The following NABP1 variants were observed in gnomAD, a reference collection of about 807,000 sequenced individuals.
NABP1 encodes SOSS complex subunit B2.
Under a neutral mutation model 25.0 loss-of-function variants are expected in NABP1, and 18 were observed. The ratio of observed to expected loss-of-function variants is 0.72; its 90% CI spans 0.50 to 1.07. The LOEUF (loss-of-function observed/expected upper bound fraction) is 1.07, where lower values mean the gene tolerates loss of function less well. Among genes scored for constraint, NABP1 ranks in the 50% least tolerant of loss-of-function variants. NABP1 has a pLI of 0.00. For synonymous variants in NABP1, 71 were observed against 85.0 expected (o/e 0.84, Z 0.91); for missense variants, 270 against 255.6 (o/e 1.06, Z -0.39).
Position 191,678,733 on chromosome 2 carries a change from C to T in NABP1, c.91+28C>T, listed in dbSNP as rs373998407. The T allele has an allele frequency of 7.4e-5, 118 of 1,584,880 alleles. No homozygotes were observed. In the African/African-American group the frequency reaches 1.2e-3, roughly 17 times the overall value. ...AAGTGGGGTTTGCAGCCTACTCCAC[C>T]GCCCGCTGTGCCTCCCGGGGCGGGA... is the stretch of plus-strand genomic sequence containing the variant. On this transcript the variant is annotated intron_variant, in intron 1 of 5. Transcript: ENST00000425611.
Position 191,678,622 on chromosome 2 carries a change from G to C in NABP1, c.8G>C (p.Arg3Thr). The C allele has an allele frequency of 6.2e-7, 1 of 1,612,152 alleles. No individual in the cohort carries two copies. The highest frequency in any genetic ancestry group is 1.3e-5 in the African/African-American group (1 of 74,932). Reference protein sequence around the residue: MNRVNDPLIFIRD... With the variant: MNTVNDPLIFIRD... The stretch of plus-strand genomic sequence containing the variant: ...AGCCGCGCCTGTCCCAATATGAATA[G>C]GGTCAACGACCCACTTATTTTTATA... Residue 3 changes from arginine (R) to threonine (T), a missense_variant, in exon 1 of 6, where the codon AGG (arginine) becomes ACG (threonine). Transcript: ENST00000425611.
chr2:191,679,811 T>C (rs1687627178), intron 2 of NABP1, among the ~76,000 whole-genome samples: 1 of 152,236 alleles, frequency 6.6e-6, no homozygotes, highest in African/African-American at 2.4e-5. Context: ...CCATTTTTAA[T>C]GACTTGAAAT....
Position 191,683,848 on chromosome 2 carries a change from T to A in NABP1, c.378+44T>A. ...TTTATGATTAGGCTAATTTTGACTG[T>A]GTTATAATTCTATGATTAGGCTAGC... On this transcript the variant is annotated intron_variant, in intron 4 of 5. Transcript: ENST00000425611. This position sits in a 1 kb window ranked among gnomAD's most constrained non-coding sequence, Gnocchi z 4.1. 1 of 1,428,214 alleles carries A rather than the reference T, an allele frequency of 7.0e-7. No homozygotes were observed. Among genetic ancestry groups the A allele is most frequent in the Non-Finnish European group, 9.7e-7 (1 of 1,027,362 alleles). The allele number at this position is 1,428,214 out of a possible 1,614,324, so 88.5% of individuals were successfully genotyped here. A position where few individuals can be genotyped will look rare whatever the true frequency, so the allele number is the denominator to read the frequency against.
rs1435060943 is a variant in NABP1, at chr2:191,678,258, C to G, written c.-357C>G. 1 of 162,740 alleles carries G rather than the reference C, an allele frequency of 6.1e-6. No individual in the cohort carries two copies. The highest frequency in any genetic ancestry group is 1.3e-5 in the Non-Finnish European group (1 of 74,888). 10.1% of individuals were successfully genotyped at this position (162,740 alleles called of 1,614,324 possible). A position where few individuals can be genotyped will look rare whatever the true frequency, so the allele number is the denominator to read the frequency against. On this transcript the variant is annotated 5_prime_UTR_variant, in exon 1 of 6. Coordinates refer to ENST00000425611, the MANE Select transcript of NABP1 (RefSeq NM_001031716.5). ...CGCGCCCGTGTGAGTGAGCGGGACT[C>G]AGGGCAGAAGTGTCCCCTCACTGCG...
In NABP1 at chr2:191,684,218, AC is replaced by A. The variant is rs746762911; in HGVS notation, c.379-11del. 2 of 1,526,370 alleles carry A rather than the reference AC, an allele frequency of 1.3e-6. No individual in the cohort carries two copies. Among genetic ancestry groups the A allele is most frequent in the Non-Finnish European group, 1.8e-6 (2 of 1,133,826 alleles). The allele number at this position is 1,526,370 out of a possible 1,614,324, so 94.6% of individuals were successfully genotyped here. Reference sequence around the variant, plus strand: ...TTATTCTCGTTTGGTTAAATTAAAAACTTTTTTTTAGGCACAGAGTGAACAG... The same window carrying A: ...TTATTCTCGTTTGGTTAAATTAAAAATTTTTTTTAGGCACAGAGTGAACAG... On this transcript the variant is annotated splice_polypyrimidine_tract_variant and intron_variant, in intron 4 of 5. Transcript: ENST00000425611.
intron 5 of NABP1, 120 bp downstream of exon 5, chr2:191,684,416 A>G: frequency 1.7e-6 from 1 of 592,682 alleles, no homozygotes; most frequent in Non-Finnish European, 2.8e-6. Flanking sequence ...AACTACCAGT[A>G]AACAGGGAAT....
chr2:191,682,142 C>A, intron 3 of NABP1, 125 bp downstream of exon 3: 1 of 510,256 alleles, frequency 2.0e-6, no homozygotes, highest in Non-Finnish European at 3.4e-6. Context: ...TCTTTGGTAG[C>A]TTAATTGAAA....
chr2:191,685,750 G>C lies in NABP1; in HGVS notation c.597G>C (p.Arg199=). 1 of 1,614,034 alleles carries C rather than the reference G, an allele frequency of 6.2e-7. No individual in the cohort carries two copies. The highest frequency in any genetic ancestry group is 8.5e-7 in the Non-Finnish European group (1 of 1,179,972). Reference sequence around the variant, plus strand: ...CAATAAGTAATGGCAGGGACCCTCGGAGAGCCTTTAAAAGATGACCTATGC... The same window carrying C: ...CAATAAGTAATGGCAGGGACCCTCGCAGAGCCTTTAAAAGATGACCTATGC... ...MTTISNGRDP[R]RAFKR Residue 199 remains arginine, a synonymous_variant, in exon 6 of 6, where the codon CGG becomes CGC. Coordinates refer to ENST00000425611, the MANE Select transcript of NABP1 (RefSeq NM_001031716.5).
At position 191,686,220 on chromosome 2, in the gene NABP1, T is replaced by C. The variant is rs1318306865; in HGVS notation, c.*452T>C. 1 of 153,026 alleles carries C rather than the reference T, an allele frequency of 6.5e-6. No homozygotes were observed. The highest frequency in any genetic ancestry group is 1.5e-5 in the Non-Finnish European group (1 of 68,580). The allele number at this position is 153,026 out of a possible 1,614,324, so 9.5% of individuals were successfully genotyped here. ...AACTTGTCAATGCTAGCAGTAATTT[T>C]TGAGTGTTTGTGGCTCTCGGAATGA... On this transcript the variant is annotated 3_prime_UTR_variant, in exon 6 of 6. Coordinates refer to ENST00000425611, the MANE Select transcript of NABP1 (RefSeq NM_001031716.5).
chr2:191,681,982 T>C lies in NABP1; in HGVS notation c.267T>C (p.Tyr89=), dbSNP rs1310380097. ...ASMWKGCLTL[Y]TGRGGELQKI... Reference sequence around the variant, plus strand: ...TGTGGAAAGGATGTCTGACACTTTATACTGGAAGGGGTGGTGAACTTCAAA... The same window carrying C: ...TGTGGAAAGGATGTCTGACACTTTACACTGGAAGGGGTGGTGAACTTCAAA... The change falls in exon 3 of 6, where the codon TAT becomes TAC. Residue 89 remains tyrosine (Y), a synonymous_variant. Transcript: ENST00000425611. 5.3e-6 allele frequency: 8 copies of C among 1,517,818 alleles called. No individual in the cohort carries two copies. The highest frequency in any genetic ancestry group is 3.6e-4 in the Middle Eastern group (2 of 5,592). The allele number at this position is 1,517,818 out of a possible 1,614,324, so 94.0% of individuals were successfully genotyped here. A position where few individuals can be genotyped will look rare whatever the true frequency, so the allele number is the denominator to read the frequency against.
rs1158552710 is a variant in NABP1 at position 191,680,817 on chromosome 2, C to G, written c.231-1129C>G. ...TTACTACACCTCATACTTCAGCTTC[C>G]TCTTCTGTGAAATGGGAATAATTAT... On this transcript the variant is annotated intron_variant, in intron 2 of 5. Transcript: ENST00000425611. 3.3e-5 allele frequency among the ~76,000 whole-genome samples: 5 copies of G among 152,152 alleles called. No homozygotes were observed. The East Asian group carries it at 9.6e-4, about 29-fold the overall frequency.
intron 5 of NABP1, 115 bp downstream of exon 5, chr2:191,684,411 C>G: frequency 1.6e-6 from 1 of 626,908 alleles, no homozygotes; most frequent in East Asian, 3.1e-5. Flanking sequence ...AGGTGAACTA[C>G]CAGTAAACAG....
chr2:191,678,768 G>A (rs1687578128), intron 1 of NABP1, 63 bp downstream of exon 1: 1 of 1,472,840 alleles, frequency 6.8e-7, no homozygotes, highest in Middle Eastern at 2.4e-4. Flanking sequence ...AGACAGGGGC[G>A]CCGGCCGCTG....
At chr2:191,682,693 G>A (rs1687720374) in intron 3 of NABP1, 1 of 325,420 alleles carries the variant, frequency 3.1e-6, no homozygotes, top group Non-Finnish European at 6.5e-6. Context: ...TTTGGTTAAT[G>A]CTCTGCCATC....
At chr2:191,682,480 A>G (rs1396309442) in intron 3 of NABP1, 2 of 470,566 alleles carry the variant, frequency 4.3e-6, no homozygotes, top group South Asian at 1.6e-5. Flanking sequence ...GAAGTCCTCT[A>G]TTTATCCACA....
Position 191,685,805 on chromosome 2 carries a change from A to G in NABP1, c.*37A>G, listed in dbSNP as rs974580901. 3.1e-6 allele frequency: 5 copies of G among 1,590,586 alleles called. No homozygotes were observed. Among genetic ancestry groups the G allele is most frequent in the Admixed American group, 1.7e-5 (1 of 58,616 alleles). On this transcript the variant is annotated 3_prime_UTR_variant, in exon 6 of 6. Coordinates refer to ENST00000425611, the MANE Select transcript of NABP1 (RefSeq NM_001031716.5). ...TACTCATGTGTAGTTTTTATACTAC[A>G]TGCCCTACTTGAACACTTATTGCAC...
At chr2:191,685,311 CCTTT>C (rs1277096771) in intron 5 of NABP1, among the ~76,000 whole-genome samples, 1 of 152,034 alleles carries the variant, frequency 6.6e-6, no homozygotes, top group African/African-American at 2.4e-5. Context: ...ACTATTTTGC[CCTTT>C]CTTTTTCTTT....
chr2:191,682,836 A>G (rs1251343701), intron 3 of NABP1: 3 of 261,800 alleles, frequency 1.1e-5, no homozygotes, highest in African/African-American at 4.5e-5. Context: ...TAATGAAGGA[A>G]AAGAAATGAT....
chr2:191,681,194 G>T (rs1687676421), intron 2 of NABP1, among the ~76,000 whole-genome samples: 1 of 152,128 alleles, frequency 6.6e-6, no homozygotes, highest in Non-Finnish European at 1.5e-5. Flanking sequence ...TTAAAGTAAA[G>T]AGAACTGTAT....
Sources: gnomAD v4.1 joint callset for allele counts (sites outside exome capture counted in the v4.1 genomes callset) on GRCh38, gnomAD v4.1.1 for gene constraint, Gnocchi (gnomAD v3.1) non-coding constraint, MANE v1.5 for transcripts, NCBI Gene and HGNC (gene_info 2026-07-23, HGNC 2026-07-21) for gene names.